MAN1A1: variants seen among roughly 807,000 people sequenced by gnomAD.
MAN1A1 encodes mannosidase alpha class 1A member 1.
MAN1A1 carries 29 observed loss-of-function variants against 70.8 expected under a neutral mutation model. The observed-to-expected ratio is 0.41, with a 90% CI of 0.31 to 0.56. The LOEUF (loss-of-function observed/expected upper bound fraction) is 0.56, where lower values mean the gene tolerates loss of function less well. MAN1A1 is among the 20% of genes least tolerant of loss of function. The pLI, the probability that MAN1A1 is intolerant of heterozygous loss-of-function variation, is 0.29. For synonymous variants in MAN1A1, 349 were observed against 330.1 expected, an observed-to-expected ratio of 1.06 and a Z score of -0.62; for missense variants, 747 against 841.3, an observed-to-expected ratio of 0.89 and a Z score of 1.39.
In MAN1A1 at chr6:119,248,330, G is replaced by A. The variant is rs1775223020; in HGVS notation, c.922C>T (p.Leu308Phe). 6.2e-7 allele frequency: 1 copy of A among 1,612,608 alleles called. No individual in the cohort carries two copies. The highest frequency in any genetic ancestry group is 1.3e-5 in the African/African-American group (1 of 75,020). The change falls in exon 6 of 13, where the codon CTT becomes TTT. Residue 308 changes from leucine to phenylalanine, a missense_variant. Physicochemically the swap from Leu to Phe is conservative, Grantham distance 22. Around this residue, in one of 2 missense-constraint regions of MAN1A1, gnomAD observed 419 missense variants for 548.2 expected, o/e 0.76. Coordinates refer to ENST00000368468, the MANE Select transcript of MAN1A1 (RefSeq NM_005907.4). ...EEIFRKKAVE[L>F]GVKLLPAFHT... ...AATGCAGGTAGCAATTTTACCCCAA[G>A]TTCCACTGCTTTCTTTCGAAAAATC... is the stretch of plus-strand genomic sequence containing the variant.
chr6:119,268,465 A>G (rs1433536700), intron 5 of MAN1A1, among the ~76,000 whole-genome samples: 1 of 151,894 alleles, frequency 6.6e-6, no homozygotes, highest in African/African-American at 2.4e-5. Context: ...ACAGCTGCAG[A>G]GTATAGGATA....
intron 6 of MAN1A1, among the ~76,000 whole-genome samples, chr6:119,206,428 C>A (rs185162179): frequency 1.3e-5 from 2 of 152,168 alleles, no homozygotes; most frequent in African/African-American, 2.4e-5. Flanking sequence ...GGATTACTGG[C>A]GCTTGCAGTC....
At chr6:119,183,964 G>A (rs1359200063) in intron 11 of MAN1A1, among the ~76,000 whole-genome samples, 1 of 151,780 alleles carries the variant, frequency 6.6e-6, no homozygotes, top group African/African-American at 2.4e-5. Context: ...GTTTAGAGAG[G>A]CCCAGTCACT....
At position 119,338,722 on chromosome 6, in the gene MAN1A1, T is replaced by A. The variant is rs146249920; in HGVS notation, c.603+9741A>T. ...CAAGTATCTGAGGCAAAATCCCAAC[T>A]GTCACTTAAAAATGAAGATGCGCTG... On this transcript the variant is annotated intron_variant, in intron 2 of 12. Coordinates refer to ENST00000368468, the MANE Select transcript of MAN1A1 (RefSeq NM_005907.4). Among the ~76,000 whole-genome samples, 343 of 152,342 alleles carry A rather than the reference T, an allele frequency of 2.3e-3. 4 individuals are homozygous for A. The highest frequency in any genetic ancestry group is 8.1e-3 in the African/African-American group (337 of 41,572).
At chr6:119,218,322 A>G (rs1365671952) in intron 6 of MAN1A1, among the ~76,000 whole-genome samples, 1 of 152,188 alleles carries the variant, frequency 6.6e-6, no homozygotes, top group African/African-American at 2.4e-5. Context: ...AAAGACCCTG[A>G]AAATCTGTAC....
intron 8 of MAN1A1, among the ~76,000 whole-genome samples, chr6:119,198,375 G>A (rs1035375437): frequency 1.3e-5 from 2 of 151,494 alleles, no homozygotes; most frequent in African/African-American, 4.8e-5. Flanking sequence ...GGGTGACAGA[G>A]CGAGACTCCC....
chr6:119,217,280 T>G (rs910842656), intron 6 of MAN1A1, among the ~76,000 whole-genome samples: 1 of 152,266 alleles, frequency 6.6e-6, no homozygotes, highest in East Asian at 1.9e-4. Flanking sequence ...AATTGAATTT[T>G]TTTTGTTTTG....
chr6:119,267,941 G>A (rs1484143324), intron 5 of MAN1A1, among the ~76,000 whole-genome samples: 1 of 152,122 alleles, frequency 6.6e-6, no homozygotes, highest in Non-Finnish European at 1.5e-5. Context: ...TATGTATGGT[G>A]GAGTTTGGCA....
At chr6:119,224,467 A>G (rs1377579203) in intron 6 of MAN1A1, among the ~76,000 whole-genome samples, 2 of 152,178 alleles carry the variant, frequency 1.3e-5, no homozygotes, top group African/African-American at 4.8e-5. Flanking sequence ...AAATGGAAAG[A>G]ACTGAGCAGA....
intron 2 of MAN1A1, among the ~76,000 whole-genome samples, chr6:119,348,150 T>C (rs753788310): frequency 2.0e-5 from 3 of 152,164 alleles, no homozygotes; most frequent in Admixed American, 1.3e-4. Context: ...CGATTAACCG[T>C]GTAGCGGCCA....
chr6:119,276,875 CT>C (rs1302047067), intron 5 of MAN1A1, among the ~76,000 whole-genome samples: 1 of 152,122 alleles, frequency 6.6e-6, no homozygotes, highest in East Asian at 1.9e-4. Flanking sequence ...ACAATCTCTT[CT>C]GCTTATCTTT....
At chr6:119,303,300 A>T (rs1295614114) in intron 3 of MAN1A1, among the ~76,000 whole-genome samples, 4 of 152,208 alleles carry the variant, frequency 2.6e-5, no homozygotes, top group African/African-American at 9.7e-5. Flanking sequence ...AATTAGAGTC[A>T]TGAGGCATGC....
intron 5 of MAN1A1, among the ~76,000 whole-genome samples, chr6:119,252,234 G>A (rs968910693): frequency 4.6e-5 from 7 of 152,120 alleles, no homozygotes; most frequent in African/African-American, 1.7e-4. Flanking sequence ...GGAATTGGCC[G>A]TTTGATACTG....
intron 2 of MAN1A1, among the ~76,000 whole-genome samples, chr6:119,320,304 G>C (rs1303913850): frequency 6.6e-6 from 1 of 152,112 alleles, no homozygotes; most frequent in East Asian, 1.9e-4. Context: ...TCAGCCAGTT[G>C]TGTTTAAAGT....
intron 5 of MAN1A1, among the ~76,000 whole-genome samples, chr6:119,259,443 G>C (rs772679695): frequency 6.6e-6 from 1 of 152,076 alleles, no homozygotes. Context: ...TATGTATACA[G>C]GTTTTGTTTC....
chr6:119,295,745 G>A (rs1239171828), intron 4 of MAN1A1, among the ~76,000 whole-genome samples: 1 of 152,114 alleles, frequency 6.6e-6, no homozygotes, highest in African/African-American at 2.4e-5. Flanking sequence ...TCCAAACTCT[G>A]TATCAGCTTT....
chr6:119,269,505 TG>T (rs764996929), intron 5 of MAN1A1: 16 of 188,462 alleles, frequency 8.5e-5, no homozygotes, highest in Non-Finnish European at 1.5e-4. Context: ...AAGATGCAGA[TG>T]GGGGGCCTCA....
chr6:119,235,141 G>T lies in MAN1A1; in HGVS notation c.992+13119C>A, dbSNP rs149994058. 6.4e-3 allele frequency among the ~76,000 whole-genome samples: 972 copies of T among 152,150 alleles called. 8 individuals are homozygous for T. Among genetic ancestry groups the T allele is most frequent in the African/African-American group, 0.022 (921 of 41,500 alleles). Reference sequence around the variant, plus strand: ...CATTCCTTGAGATACTACAATATTGGAATCAGGCCAATTAATAACCCAACA... The same window carrying T: ...CATTCCTTGAGATACTACAATATTGTAATCAGGCCAATTAATAACCCAACA... On this transcript the variant is annotated intron_variant, in intron 6 of 12. Coordinates refer to ENST00000368468, the MANE Select transcript of MAN1A1 (RefSeq NM_005907.4).
intron 4 of MAN1A1, among the ~76,000 whole-genome samples, chr6:119,294,212 G>T (rs1230105403): frequency 6.6e-6 from 1 of 151,976 alleles, no homozygotes; most frequent in Non-Finnish European, 1.5e-5. Context: ...ATGAAATCTG[G>T]ATTTTCAAAA....
Sources: allele counts gnomAD v4.1 joint callset (sites outside exome capture counted in the v4.1 genomes callset), GRCh38; gene constraint gnomAD v4.1.1; regional missense constraint gnomAD v4.1.1; transcripts MANE v1.5; gene names NCBI Gene and HGNC (gene_info 2026-07-23, HGNC 2026-07-21).